RARB: variants seen among roughly 807,000 people sequenced by gnomAD.
The protein encoded by RARB is retinoic acid receptor beta, also known as HBV-activated protein.
RARB carries 17 observed loss-of-function variants against 51.9 expected under a neutral mutation model. The observed-to-expected ratio is 0.33, with a 90% CI of 0.22 to 0.49. RARB has a LOEUF of 0.49. Among genes scored for constraint, RARB ranks in the 20% least tolerant of loss-of-function variants. RARB has a pLI of 0.99. For synonymous variants in RARB, 215 were observed against 195.4 expected (o/e 1.10, Z -0.84); for missense variants, 369 against 550.8 (o/e 0.67, Z 3.30).
chr3:25,448,947 G>A (rs190319857), intron 1 of RARB, among the ~76,000 whole-genome samples: 18 of 151,956 alleles, frequency 1.2e-4, no homozygotes, highest in Admixed American at 5.9e-4. Flanking sequence ...CATTTGGGGC[G>A]TGCTAGTTCT....
At chr3:24,994,502 AT>A (rs572109138) in intron 2 of RARB, among the ~76,000 whole-genome samples, 1,779 of 151,988 alleles carry the variant, frequency 0.012, 18 homozygotes, top group Non-Finnish European at 0.019. Context: ...TTTTGGATCG[AT>A]GTAATTATAT....
chr3:24,863,904 G>A (rs1391960130), intron 2 of RARB, among the ~76,000 whole-genome samples: 1 of 151,890 alleles, frequency 6.6e-6, no homozygotes, highest in African/African-American at 2.4e-5. Flanking sequence ...TGAGGATGGA[G>A]GCATACCTTC....
chr3:25,533,304 A>G (rs1365773388), intron 3 of RARB, among the ~76,000 whole-genome samples: 5 of 152,248 alleles, frequency 3.3e-5, no homozygotes, highest in Non-Finnish European at 5.9e-5. Flanking sequence ...CTGAAAAAAT[A>G]TGAAATCCCA....
At chr3:25,453,169 C>T (rs1475351029) in intron 1 of RARB, among the ~76,000 whole-genome samples, 1 of 150,192 alleles carries the variant, frequency 6.7e-6, no homozygotes, top group Non-Finnish European at 1.5e-5. Flanking sequence ...CATCAATGTG[C>T]GTAAAAATGA....
At chr3:25,063,397 T>G (rs74434856) in intron 3 of RARB, among the ~76,000 whole-genome samples, 2,556 of 152,168 alleles carry the variant, frequency 0.017, 74 homozygotes, top group African/African-American at 0.057. Context: ...GCCTTCTAAC[T>G]TGGACTCAAT....
chr3:25,170,119 C>T (rs2060564), intron 4 of RARB, among the ~76,000 whole-genome samples: 2,416 of 152,136 alleles, frequency 0.016, 58 homozygotes, highest in African/African-American at 0.051. Flanking sequence ...CAGCAAACCA[C>T]GGCCCATGGG....
chr3:25,141,391 T>A (rs1478579063), intron 4 of RARB, among the ~76,000 whole-genome samples: 2 of 152,176 alleles, frequency 1.3e-5, no homozygotes, highest in Non-Finnish European at 1.5e-5. Flanking sequence ...CAGTGGTTTT[T>A]GAAGAAGCAC....
chr3:25,323,373 T>C (rs943703226), intron 5 of RARB, among the ~76,000 whole-genome samples: 11 of 152,218 alleles, frequency 7.2e-5, no homozygotes, highest in Non-Finnish European at 1.0e-4. Context: ...CCTACCACAA[T>C]AGAGGTCTCT....
At chr3:25,350,479 T>C (rs965434801) in intron 5 of RARB, among the ~76,000 whole-genome samples, 1 of 152,204 alleles carries the variant, frequency 6.6e-6, no homozygotes, top group Non-Finnish European at 1.5e-5. Context: ...GGCATCTCTA[T>C]TAACTTTCTG....
chr3:24,929,062 TATC>T (rs1435354176), intron 2 of RARB, among the ~76,000 whole-genome samples: 7 of 152,092 alleles, frequency 4.6e-5, no homozygotes, highest in African/African-American at 1.7e-4. Flanking sequence ...TTAGAAAAGA[TATC>T]ATGTAAAAGT....
chr3:25,173,151 A>C (rs1422486172), intron 4 of RARB, among the ~76,000 whole-genome samples: 1 of 152,232 alleles, frequency 6.6e-6, no homozygotes, highest in Non-Finnish European at 1.5e-5. Flanking sequence ...GTTTACAGCC[A>C]GCCCACTCTA....
In RARB at chr3:24,910,190, C is replaced by G. The variant is rs145401065; in HGVS notation, c.-380+51438C>G. Among the ~76,000 whole-genome samples, 239 of 152,190 alleles carry G rather than the reference C, an allele frequency of 1.6e-3. 1 individual carries two copies. Among genetic ancestry groups the G allele is most frequent in the African/African-American group, 5.1e-3 (213 of 41,532 alleles). On this transcript the variant is annotated intron_variant, in intron 2 of 11. Coordinates refer to the RARB transcript ENST00000383772. ...ATTTTTTGCAAGCTAAATATAATTTCACATTGAAAAATTGTTCTTCCTAAG... is the reference window on the plus strand; with the variant it reads ...ATTTTTTGCAAGCTAAATATAATTTGACATTGAAAAATTGTTCTTCCTAAG...
chr3:25,258,169 G>A (rs186522399), intron 5 of RARB, among the ~76,000 whole-genome samples: 155 of 152,234 alleles, frequency 1.0e-3, no homozygotes, highest in Non-Finnish European at 9.3e-4. Flanking sequence ...ACTTAGGACT[G>A]AGGAACCTCT....
At chr3:25,229,491 A>C (rs1473435786) in intron 5 of RARB, among the ~76,000 whole-genome samples, 1 of 152,148 alleles carries the variant, frequency 6.6e-6, no homozygotes, top group Non-Finnish European at 1.5e-5. Flanking sequence ...ATTGCTATCT[A>C]TTACTGATAT....
chr3:24,916,270 A>C (rs1217107833), intron 2 of RARB, among the ~76,000 whole-genome samples: 1 of 152,132 alleles, frequency 6.6e-6, no homozygotes, highest in Non-Finnish European at 1.5e-5. Flanking sequence ...AAGAGAAAGA[A>C]AGTTGAAAAG....
At chr3:25,213,386 T>C (rs763607162) in intron 5 of RARB, among the ~76,000 whole-genome samples, 3 of 152,228 alleles carry the variant, frequency 2.0e-5, no homozygotes, top group Non-Finnish European at 4.4e-5. Flanking sequence ...TATTGTCCTA[T>C]GTAGCTATGG....
At chr3:24,896,062 C>T (rs1015077798) in intron 2 of RARB, among the ~76,000 whole-genome samples, 6 of 152,142 alleles carry the variant, frequency 3.9e-5, no homozygotes, top group African/African-American at 9.7e-5. Context: ...CATGATGCAA[C>T]GTGTATGAGC....
In RARB at chr3:24,883,359, TG is replaced by T. The variant is rs1703208414; in HGVS notation, c.-380+24608del. On this transcript the variant is annotated intron_variant, in intron 2 of 11. Coordinates refer to the RARB transcript ENST00000383772. ...GAAGCCAGACTTTCAACAATCATTGTGTGTGTGTGTGTGTGTGTGTGTGTGT... is the reference window on the plus strand; with the variant it reads ...GAAGCCAGACTTTCAACAATCATTGTTGTGTGTGTGTGTGTGTGTGTGTGT... Among the ~76,000 whole-genome samples the T allele has an allele frequency of 4.9e-5, 4 of 82,384 alleles. No homozygotes were observed. The South Asian group carries it at 1.6e-3, about 33-fold the overall frequency. The allele number at this position is 82,384 out of a possible 152,430, so 54.0% of individuals were successfully genotyped here.
At chr3:25,516,764 T>C (rs903675821) in intron 3 of RARB, among the ~76,000 whole-genome samples, 6 of 151,948 alleles carry the variant, frequency 3.9e-5, no homozygotes, top group Non-Finnish European at 8.8e-5. Flanking sequence ...GTAGCTGGGA[T>C]TATAAGCATA....
Sources: gnomAD v4.1 joint callset for allele counts (sites outside exome capture counted in the v4.1 genomes callset) on GRCh38, gnomAD v4.1.1 for gene constraint, MANE v1.5 for transcripts, NCBI Gene and HGNC (gene_info 2026-07-23, HGNC 2026-07-21) for gene names.